Variants in ASB13 observed in about 807,000 individuals in gnomAD.
The protein encoded by ASB13 is ankyrin repeat and SOCS box containing 13.
Under a neutral mutation model 28.8 loss-of-function variants are expected in ASB13, and 33 were observed. The ratio of observed to expected loss-of-function variants is 1.15; its 90% CI spans 0.87 to 1.53. The LOEUF is 1.53. ASB13 is among the 40% of genes most tolerant of loss of function. The pLI is 0.00. For synonymous variants in ASB13, 182 were observed against 172.9 expected (o/e 1.05, Z -0.41); for missense variants, 414 against 390.1 (o/e 1.06, Z -0.52).
In ASB13 at chr10:5,651,958, C is replaced by T. The variant is rs4520498; in HGVS notation, c.232-595G>A. Among the ~76,000 whole-genome samples the T allele has an allele frequency of 0.014, 1,942 of 140,662 alleles. 40 individuals carry two copies. Among genetic ancestry groups the T allele is most frequent in the Admixed American group, 0.055 (725 of 13,282 alleles). The allele number at this position is 140,662 out of a possible 152,430, so 92.3% of individuals were successfully genotyped here. A position where few individuals can be genotyped will look rare whatever the true frequency, so the allele number is the denominator to read the frequency against. ...ATGAGGTTGCAGTGAGCTATGATCACGCCACTGCATTCCAGCCTAGGCGAC... is the reference window on the plus strand; with the variant it reads ...ATGAGGTTGCAGTGAGCTATGATCATGCCACTGCATTCCAGCCTAGGCGAC... On this transcript the variant is annotated intron_variant, in intron 2 of 5. Transcript: ENST00000357700. The surrounding 1 kb of genome is among the most constrained non-coding windows in gnomAD (Gnocchi z 5.1).
chr10:5,654,886 C>G (rs1335549132), intron 1 of ASB13, among the ~76,000 whole-genome samples: 2 of 152,128 alleles, frequency 1.3e-5, no homozygotes, highest in African/African-American at 4.8e-5. Flanking sequence ...CACTTGAGGT[C>G]AGGAGTTCGA....
In ASB13 at chr10:5,661,072, AG is replaced by A. The variant is rs1479962151; in HGVS notation, c.43+5436del. 2.6e-5 allele frequency among the ~76,000 whole-genome samples: 4 copies of A among 152,148 alleles called. No homozygotes were observed. Among genetic ancestry groups the A allele is most frequent in the Non-Finnish European group, 5.9e-5 (4 of 68,012 alleles). Reference sequence around the variant, plus strand: ...TTTCCCCCTAGGCAGCTGGTTTGCCAGTATCTCCTCAGTCATCCCAGAGCCA... The same window carrying A: ...TTTCCCCCTAGGCAGCTGGTTTGCCATATCTCCTCAGTCATCCCAGAGCCA... On this transcript the variant is annotated intron_variant, in intron 1 of 5. Transcript: ENST00000357700. This position sits in a 1 kb window ranked among gnomAD's most constrained non-coding sequence, Gnocchi z 4.9.
rs953622655 is a variant in ASB13 at position 5,661,238 on chromosome 10, C to G, written c.43+5271G>C. 2.0e-5 allele frequency among the ~76,000 whole-genome samples: 3 copies of G among 152,194 alleles called. No individual in the cohort carries two copies. Among genetic ancestry groups the G allele is most frequent in the African/African-American group, 7.2e-5 (3 of 41,468 alleles). ...GCACCTCCAGAGCCCATCCTCCACACTGCCCTGCCTGCACCCACACTGGCG... is the reference window on the plus strand; with the variant it reads ...GCACCTCCAGAGCCCATCCTCCACAGTGCCCTGCCTGCACCCACACTGGCG... On this transcript the variant is annotated intron_variant, in intron 1 of 5. Transcript: ENST00000357700. This position sits in a 1 kb window ranked among gnomAD's most constrained non-coding sequence, Gnocchi z 4.9.
Position 5,644,707 on chromosome 10 carries a change from A to C in ASB13, c.518-2746T>G, listed in dbSNP as rs1834857106. ...GTGGTGCACATCTATAATCCCAGCT[A>C]CTCAGGAGGCTCAGGCATGAGAATC... On this transcript the variant is annotated intron_variant, in intron 4 of 5. Transcript: ENST00000357700. The surrounding 1 kb of genome is among the most constrained non-coding windows in gnomAD (Gnocchi z 5.1). 6.6e-6 allele frequency among the ~76,000 whole-genome samples: 1 copy of C among 151,744 alleles called. No individual in the cohort carries two copies. The highest frequency in any genetic ancestry group is 2.4e-5 in the African/African-American group (1 of 41,252).
rs7908974 is a variant in ASB13, at chr10:5,639,427, A to C, written c.*1276T>G. 10 of 152,426 alleles carry C rather than the reference A, an allele frequency of 6.6e-5. No homozygotes were observed. Among genetic ancestry groups the C allele is most frequent in the African/African-American group, 2.2e-4 (9 of 41,410 alleles). 9.4% of individuals were successfully genotyped at this position (152,426 alleles called of 1,614,324 possible). A position where few individuals can be genotyped will look rare whatever the true frequency, so the allele number is the denominator to read the frequency against. On this transcript the variant is annotated 3_prime_UTR_variant, in exon 6 of 6. Transcript: ENST00000357700. ...TCATCAAGTTGGCCAGGCTGGTTTC[A>C]AACTCCTGACCTCAGATGCCCCAGA...
Position 5,666,546 on chromosome 10 carries a change from C to A in ASB13, c.6G>T (p.Glu2Asp). 1.7e-6 allele frequency: 2 copies of A among 1,209,948 alleles called. No homozygotes were observed. The highest frequency in any genetic ancestry group is 1.0e-6 in the Non-Finnish European group (1 of 971,384). The allele number at this position is 1,209,948 out of a possible 1,614,324, so 75.0% of individuals were successfully genotyped here. A position where few individuals can be genotyped will look rare whatever the true frequency, so the allele number is the denominator to read the frequency against. The stretch of plus-strand genomic sequence containing the variant: ...GGAAGCAGCCGTCCGCCGCCCGGGG[C>A]TCCATGCGGCTCACCGGCGGCCGCG... M[E>D]PRAADGCFLG... The change falls in exon 1 of 6, where the codon GAG becomes GAT. Residue 2 changes from glutamate (E) to aspartate (D), a missense_variant. By Grantham distance (45) the Glu-to-Asp change is conservative. Coordinates refer to ENST00000357700, the MANE Select transcript of ASB13 (RefSeq NM_024701.4).
rs1158688227 is a variant in ASB13 at position 5,649,410 on chromosome 10, C to A, written c.383-306G>T. Among the ~76,000 whole-genome samples, 1 of 152,170 alleles carries A rather than the reference C, an allele frequency of 6.6e-6. No individual in the cohort carries two copies. Among genetic ancestry groups the A allele is most frequent in the Admixed American group, 6.5e-5 (1 of 15,284 alleles). Reference sequence around the variant, plus strand: ...GAATGGGTCAGGGAAAACTCCCCCGCTGCCCCCCTGCCCTGTGTCTACCTG... The same window carrying A: ...GAATGGGTCAGGGAAAACTCCCCCGATGCCCCCCTGCCCTGTGTCTACCTG... On this transcript the variant is annotated intron_variant, in intron 3 of 5. Transcript: ENST00000357700. The surrounding 1 kb of genome is among the most constrained non-coding windows in gnomAD (Gnocchi z 6.4).
In ASB13 at chr10:5,664,196, T is replaced by C. The variant is rs931466204; in HGVS notation, c.43+2313A>G. ...CACTGAACGCAAAGGGATGCGCAAA[T>C]CCCCATAAACAACAGGAAGACACCC... On this transcript the variant is annotated intron_variant, in intron 1 of 5. Transcript: ENST00000357700. The surrounding 1 kb of genome is among the most constrained non-coding windows in gnomAD (Gnocchi z 4.2). Among the ~76,000 whole-genome samples, 3 of 151,418 alleles carry C rather than the reference T, an allele frequency of 2.0e-5. No homozygotes were observed. Among genetic ancestry groups the C allele is most frequent in the African/African-American group, 4.9e-5 (2 of 41,124 alleles).
rs183854849 is a variant in ASB13, at chr10:5,644,218, G to C, written c.518-2257C>G. 2.2e-4 allele frequency among the ~76,000 whole-genome samples: 33 copies of C among 152,344 alleles called. No homozygotes were observed. The highest frequency in any genetic ancestry group is 3.4e-3 in the Middle Eastern group (1 of 294). Reference sequence around the variant, plus strand: ...TCATTAAAAATATATGCTTGGGCCAGGTACAGGGCTCACGCCTGTAATCTC... The same window carrying C: ...TCATTAAAAATATATGCTTGGGCCACGTACAGGGCTCACGCCTGTAATCTC... On this transcript the variant is annotated intron_variant, in intron 4 of 5. Transcript: ENST00000357700. The surrounding 1 kb of genome is among the most constrained non-coding windows in gnomAD (Gnocchi z 5.1).
In ASB13 at chr10:5,663,572, A is replaced by G. The variant is rs1452739555; in HGVS notation, c.43+2937T>C. 6.6e-6 allele frequency among the ~76,000 whole-genome samples: 1 copy of G among 152,122 alleles called. No homozygotes were observed. The highest frequency in any genetic ancestry group is 1.5e-5 in the Non-Finnish European group (1 of 68,006). ...ATCCTGCATCCTCCCTGTCTCAGTT[A>G]AGGGACCTGAGGGACGCTTTTCACC... is the stretch of plus-strand genomic sequence containing the variant. On this transcript the variant is annotated intron_variant, in intron 1 of 5. Transcript: ENST00000357700. The surrounding 1 kb of genome is among the most constrained non-coding windows in gnomAD (Gnocchi z 4.9).
rs946180852 is a variant in ASB13 at position 5,656,310 on chromosome 10, C to T, written c.44-3260G>A. ...ATCCCAGCACTTTGGGAGGCCAAGG[C>T]GGGTGGATCACGAGGTCAGGAGTTT... On this transcript the variant is annotated intron_variant, in intron 1 of 5. Coordinates refer to ENST00000357700, the MANE Select transcript of ASB13 (RefSeq NM_024701.4). The surrounding 1 kb of genome is among the most constrained non-coding windows in gnomAD (Gnocchi z 4.3). Among the ~76,000 whole-genome samples the T allele has an allele frequency of 7.2e-5, 11 of 152,280 alleles. No individual in the cohort carries two copies. The highest frequency in any genetic ancestry group is 5.2e-4 in the Admixed American group (8 of 15,306).
chr10:5,666,220 C>T (rs1328138017), intron 1 of ASB13, among the ~76,000 whole-genome samples: 1 of 152,204 alleles, frequency 6.6e-6, no homozygotes, highest in East Asian at 1.9e-4. Context: ...CCAGGGCGCG[C>T]GGCGCTCGGT....
At chr10:5,647,841 C>G (rs1275019468) in intron 4 of ASB13, among the ~76,000 whole-genome samples, 1 of 152,228 alleles carries the variant, frequency 6.6e-6, no homozygotes, top group Non-Finnish European at 1.5e-5. Flanking sequence ...CTGCTAGGCA[C>G]AGTAAATACC....
chr10:5,666,378 C>T, intron 1 of ASB13, 131 bp downstream of exon 1: 1 of 773,064 alleles, frequency 1.3e-6, no homozygotes, highest in Non-Finnish European at 1.7e-6. Context: ...GCCCACCCCG[C>T]CAAACGCCCC....
intron 1 of ASB13, among the ~76,000 whole-genome samples, chr10:5,666,219 G>A (rs1019603843): frequency 6.6e-6 from 1 of 152,178 alleles, no homozygotes; most frequent in Admixed American, 6.5e-5. Flanking sequence ...CCCAGGGCGC[G>A]CGGCGCTCGG....
In ASB13 at chr10:5,646,253, G is replaced by C. The variant is rs1564215736; in HGVS notation, c.517+2717C>G. Among the ~76,000 whole-genome samples the C allele has an allele frequency of 2.6e-5, 4 of 152,326 alleles. No individual in the cohort carries two copies. In the South Asian group the frequency reaches 8.3e-4, roughly 32 times the overall value. ...GCCACCTGGTAATGTGGTGGGGGCG[G>C]GAGCAGACCTGACTTCAGCTCCAGC... On this transcript the variant is annotated intron_variant, in intron 4 of 5. Transcript: ENST00000357700.
intron 1 of ASB13, among the ~76,000 whole-genome samples, chr10:5,665,831 T>C (rs1835249740): frequency 6.6e-6 from 1 of 152,214 alleles, no homozygotes; most frequent in Non-Finnish European, 1.5e-5. Flanking sequence ...TCATAGTGCT[T>C]CCGTCGCTCA....
At chr10:5,648,516 ACGCGGG>A (rs1834926823) in intron 4 of ASB13, among the ~76,000 whole-genome samples, 1 of 148,198 alleles carries the variant, frequency 6.7e-6, no homozygotes, top group Non-Finnish European at 1.5e-5. Context: ...GTAAACACCC[ACGCGGG>A]CAAACACCTA....
chr10:5,654,597 G>A (rs1371024098), intron 1 of ASB13, among the ~76,000 whole-genome samples: 4 of 152,228 alleles, frequency 2.6e-5, no homozygotes, highest in Admixed American at 2.6e-4. Context: ...CAGACACGGA[G>A]GAGTCTTCCA....
Sources: allele counts gnomAD v4.1 joint callset (sites outside exome capture counted in the v4.1 genomes callset), GRCh38; gene constraint gnomAD v4.1.1; non-coding constraint Gnocchi (gnomAD v3.1); transcripts MANE v1.5; gene names NCBI Gene and HGNC (gene_info 2026-07-23, HGNC 2026-07-21).